The following ZNF135 variants were observed in gnomAD, a reference collection of about 807,000 sequenced individuals.
The protein encoded by ZNF135 is zinc finger protein 135.
Under a neutral mutation model 12.3 loss-of-function variants are expected in ZNF135, and 11 were observed. That is an observed-to-expected ratio of 0.89 (90% CI 0.56 to 1.48). ZNF135 has a LOEUF of 1.48. ZNF135 is among the 40% of genes most tolerant of loss of function. ZNF135 has a pLI of 0.00. For synonymous variants in ZNF135, 316 were observed against 312.0 expected (o/e 1.01, Z -0.14); for missense variants, 722 against 815.7 (o/e 0.89, Z 1.40).
rs756537553 is a variant in ZNF135, at chr19:58,061,750, C to T, written c.160+44C>T. 91 of 1,559,676 alleles carry T rather than the reference C, an allele frequency of 5.8e-5. No individual in the cohort carries two copies. The Middle Eastern group carries it at 6.8e-4, about 12-fold the overall frequency. On this transcript the variant is annotated intron_variant, in intron 3 of 4. Transcript: ENST00000313434. ...CCTATCTGTTGATCTGTCCCTGACA[C>T]GGATTCTGATTCTACCAGGTTAAAT...
chr19:58,061,574 T>A lies in ZNF135; in HGVS notation c.34-6T>A. The A allele has an allele frequency of 1.9e-6, 3 of 1,611,412 alleles. No homozygotes were observed. The highest frequency in any genetic ancestry group is 2.5e-6 in the Non-Finnish European group (3 of 1,178,848). On this transcript the variant is annotated splice_region_variant and splice_polypyrimidine_tract_variant and intron_variant, in intron 2 of 4. Coordinates refer to ENST00000313434, the MANE Select transcript of ZNF135 (RefSeq NM_001289401.2). ...CTTGGCTGAGGACACTCGTGTGATG[T>A]TTCAGGAGCAAGTGACGTTTGAGGA... is the stretch of plus-strand genomic sequence containing the variant.
chr19:58,066,404 C>T (rs1315743907), intron 4 of ZNF135, among the ~76,000 whole-genome samples: 4 of 150,680 alleles, frequency 2.7e-5, no homozygotes, highest in African/African-American at 7.3e-5. Flanking sequence ...TGTCTGAGTG[C>T]TCTCTCCTGG....
At chr19:58,061,522 C>T in intron 2 of ZNF135, 58 bp from the exon 3 acceptor site, 2 of 1,570,730 alleles carry the variant, frequency 1.3e-6, no homozygotes, top group Non-Finnish European at 1.7e-6. Flanking sequence ...TACCAGCTAC[C>T]CCACCAGCAG....
chr19:58,060,421 C>A lies in ZNF135; in HGVS notation c.33+386C>A. On this transcript the variant is annotated intron_variant, in intron 2 of 4. Coordinates refer to ENST00000313434, the MANE Select transcript of ZNF135 (RefSeq NM_001289401.2). The surrounding 1 kb of genome is among the most constrained non-coding windows in gnomAD (Gnocchi z 4.9). Reference sequence around the variant, plus strand: ...GAGGTCAGCGGGCACGGGTCCCTGTCTGAGTGGGCTTTATGTTTGTGCGGC... The same window carrying A: ...GAGGTCAGCGGGCACGGGTCCCTGTATGAGTGGGCTTTATGTTTGTGCGGC... 1 of 1,164,362 alleles carries A rather than the reference C, an allele frequency of 8.6e-7. No homozygotes were observed. The highest frequency in any genetic ancestry group is 1.1e-6 in the Non-Finnish European group (1 of 935,992). The allele number at this position is 1,164,362 out of a possible 1,614,324, so 72.1% of individuals were successfully genotyped here.
At position 58,063,370 on chromosome 19, in the gene ZNF135, C is replaced by A; in HGVS notation, c.161-76C>A. On this transcript the variant is annotated intron_variant, in intron 3 of 4. Coordinates refer to ENST00000313434, the MANE Select transcript of ZNF135 (RefSeq NM_001289401.2). The surrounding 1 kb of genome is among the most constrained non-coding windows in gnomAD (Gnocchi z 4.4). ...CCCAGCCATCTGGGACCTGGAAGACCAAAGGTGGAATGGGCTGAGGCTCAG... is the reference window on the plus strand; with the variant it reads ...CCCAGCCATCTGGGACCTGGAAGACAAAAGGTGGAATGGGCTGAGGCTCAG... The A allele has an allele frequency of 6.3e-7, 1 of 1,592,186 alleles. No homozygotes were observed. Among genetic ancestry groups the A allele is most frequent in the Non-Finnish European group, 8.6e-7 (1 of 1,167,980 alleles).
intron 2 of ZNF135, among the ~76,000 whole-genome samples, chr19:58,061,093 A>T (rs1025816055): frequency 1.3e-5 from 2 of 150,836 alleles, no homozygotes; most frequent in Non-Finnish European, 2.9e-5. Flanking sequence ...ATGCCACTGC[A>T]CTCTAGCCTG....
At position 58,063,308 on chromosome 19, in the gene ZNF135, G is replaced by A; in HGVS notation, c.161-138G>A. 7.1e-7 allele frequency: 1 copy of A among 1,403,874 alleles called. No homozygotes were observed. Among genetic ancestry groups the A allele is most frequent in the Non-Finnish European group, 9.6e-7 (1 of 1,042,996 alleles). 87.0% of individuals were successfully genotyped at this position (1,403,874 alleles called of 1,614,324 possible). A position where few individuals can be genotyped will look rare whatever the true frequency, so the allele number is the denominator to read the frequency against. On this transcript the variant is annotated intron_variant, in intron 3 of 4. Coordinates refer to ENST00000313434, the MANE Select transcript of ZNF135 (RefSeq NM_001289401.2). The surrounding 1 kb of genome is among the most constrained non-coding windows in gnomAD (Gnocchi z 4.4). ...GGAATGAGTCCCTGAGGAACATCCA[G>A]GGCTGTGGGTATGACAGCTGAAGTC...
Position 58,067,976 on chromosome 19 carries a change from G to T in ZNF135, c.1492G>T (p.Asp498Tyr). 6.2e-7 allele frequency: 1 copy of T among 1,613,782 alleles called. No homozygotes were observed. Among genetic ancestry groups the T allele is most frequent in the African/African-American group, 1.3e-5 (1 of 74,900 alleles). The change falls in exon 5 of 5, where the codon GAC (aspartate) becomes TAC (tyrosine). Residue 498 changes from aspartate (D) to tyrosine (Y), a missense_variant. Coordinates refer to ENST00000313434, the MANE Select transcript of ZNF135 (RefSeq NM_001289401.2). ...AGGGGAGAAGCCCTATGAATGCAAT[G>T]ACTGCGGCAAGGCATTCAGTCACAG... ...HTGEKPYECN[D>Y]CGKAFSHSSS...
At position 58,067,761 on chromosome 19, in the gene ZNF135, C is replaced by A; in HGVS notation, c.1277C>A (p.Thr426Asn). ...GCCTTCAGTCAGAGCACACTCCTGA[C>A]CGAGCATCGGAGGATTCACACAGGA... ...GKAFSQSTLL[T>N]EHRRIHTGEK... Residue 426 changes from threonine to asparagine, a missense_variant, in exon 5 of 5, where the codon ACC (threonine) becomes AAC (asparagine). By Grantham distance (65) the Thr-to-Asn change is moderately conservative. Coordinates refer to ENST00000313434, the MANE Select transcript of ZNF135 (RefSeq NM_001289401.2). The A allele has an allele frequency of 6.2e-7, 1 of 1,613,788 alleles. No individual in the cohort carries two copies. Among genetic ancestry groups the A allele is most frequent in the South Asian group, 1.1e-5 (1 of 91,052 alleles).
Position 58,063,470 on chromosome 19 carries a change from T to G in ZNF135, c.185T>G (p.Val62Gly). ...SVGHWLPKPN[V>G]ISLLEQEAEL... ...GGACATTGGTTACCGAAGCCGAATG[T>G]CATCTCCCTGCTGGAGCAAGAGGCA... Residue 62 changes from valine (V) to glycine (G), a missense_variant, in exon 4 of 5, where the codon GTC becomes GGC. By Grantham distance (109) the Val-to-Gly change is moderately radical. Coordinates refer to ENST00000313434, the MANE Select transcript of ZNF135 (RefSeq NM_001289401.2). This position sits in a 1 kb window ranked among gnomAD's most constrained non-coding sequence, Gnocchi z 4.4. 1 of 1,614,108 alleles carries G rather than the reference T, an allele frequency of 6.2e-7. No homozygotes were observed. The highest frequency in any genetic ancestry group is 1.7e-4 in the Middle Eastern group (1 of 6,060).
Position 58,068,474 on chromosome 19 carries a change from T to G in ZNF135, c.*13T>G, listed in dbSNP as rs768852784. The G allele has an allele frequency of 1.2e-5, 20 of 1,610,910 alleles. No homozygotes were observed. Among genetic ancestry groups the G allele is most frequent in the Non-Finnish European group, 1.6e-5 (19 of 1,178,116 alleles). ...TCACACTGGATAAACCCACTCCACA[T>G]GTGCTGGGGACATAGGAAGACCTTA... On this transcript the variant is annotated 3_prime_UTR_variant, in exon 5 of 5. Coordinates refer to ENST00000313434, the MANE Select transcript of ZNF135 (RefSeq NM_001289401.2).
rs1332262913 is a variant in ZNF135 at position 58,059,980 on chromosome 19, C to T, written c.-23C>T. 1.2e-6 allele frequency: 2 copies of T among 1,613,258 alleles called. No individual in the cohort carries two copies. The highest frequency in any genetic ancestry group is 1.7e-5 in the Admixed American group (1 of 60,024). On this transcript the variant is annotated 5_prime_UTR_variant, in exon 2 of 5. Transcript: ENST00000313434. This position sits in a 1 kb window ranked among gnomAD's most constrained non-coding sequence, Gnocchi z 6.5. ...CCCCTTTCCCACAGAGCAGGGCCAG[C>T]CGTTCCTGCCAGAAGCCAGGGCATG...
Position 58,062,920 on chromosome 19 carries a change from G to A in ZNF135, c.161-526G>A, listed in dbSNP as rs113562481. On this transcript the variant is annotated intron_variant, in intron 3 of 4. Transcript: ENST00000313434. Reference sequence around the variant, plus strand: ...TGCCCAGGCTGCCCTCAAGCTTCTAGGCTAAAGTGATCCTCCCACCTCAGC... The same window carrying A: ...TGCCCAGGCTGCCCTCAAGCTTCTAAGCTAAAGTGATCCTCCCACCTCAGC... 4.2e-3 allele frequency among the ~76,000 whole-genome samples: 633 copies of A among 150,756 alleles called. 5 individuals carry two copies. Among genetic ancestry groups the A allele is most frequent in the African/African-American group, 0.015 (615 of 40,892 alleles).
Position 58,060,092 on chromosome 19 carries a change from C to G in ZNF135, c.33+57C>G. 1 of 1,608,856 alleles carries G rather than the reference C, an allele frequency of 6.2e-7. No individual in the cohort carries two copies. Among genetic ancestry groups the G allele is most frequent in the Non-Finnish European group, 8.5e-7 (1 of 1,179,390 alleles). On this transcript the variant is annotated intron_variant, in intron 2 of 4. Coordinates refer to ENST00000313434, the MANE Select transcript of ZNF135 (RefSeq NM_001289401.2). This position sits in a 1 kb window ranked among gnomAD's most constrained non-coding sequence, Gnocchi z 4.9. ...CCACCTCGTGCCCGGCCTCCTCGCG[C>G]GCGGCCTTCTCACGCCCGGCCTCCT...
rs576543644 is a variant in ZNF135 at position 58,066,128 on chromosome 19, CA to C, written c.257-612del. Among the ~76,000 whole-genome samples the C allele has an allele frequency of 1.1e-3, 166 of 152,318 alleles. 1 individual carries two copies. Among genetic ancestry groups the C allele is most frequent in the Non-Finnish European group, 2.2e-3 (152 of 68,024 alleles). On this transcript the variant is annotated intron_variant, in intron 4 of 4. Coordinates refer to ENST00000313434, the MANE Select transcript of ZNF135 (RefSeq NM_001289401.2). ...AGTTAGTGAAATGGACAAAATAAGG[CA>C]GACCAAAGCACTCTAATATGCCACG... is the stretch of plus-strand genomic sequence containing the variant.
chr19:58,068,291 GA>G lies in ZNF135; in HGVS notation c.1811del (p.Lys604SerfsTer65). ...CCAGCACGAAAGGACGCACACTGGG[GA>G]AAAGCCCTATGAGTGTCACGATTGC... ...LSQHERTHTG[E>X]KPYECHDCGK... is the part of the protein sequence containing the mutation. On this transcript the variant is annotated frameshift_variant, in exon 5 of 5. Transcript: ENST00000313434. LOFTEE classifies it low-confidence loss of function (END_TRUNC). 1 of 1,613,994 alleles carries G rather than the reference GA, an allele frequency of 6.2e-7. No homozygotes were observed. Among genetic ancestry groups the G allele is most frequent in the Non-Finnish European group, 8.5e-7 (1 of 1,179,984 alleles).
Position 58,059,894 on chromosome 19 carries a change from T to C in ZNF135, c.-34-75T>C, listed in dbSNP as rs2073938383. 1 of 1,565,118 alleles carries C rather than the reference T, an allele frequency of 6.4e-7. No individual in the cohort carries two copies. Among genetic ancestry groups the C allele is most frequent in the South Asian group, 1.1e-5 (1 of 88,002 alleles). Reference sequence around the variant, plus strand: ...GCTCTCCGCGGAGCTCCCCAGGCTCTGGCGCAGTTCCCCGGCTTGGGGACC... The same window carrying C: ...GCTCTCCGCGGAGCTCCCCAGGCTCCGGCGCAGTTCCCCGGCTTGGGGACC... On this transcript the variant is annotated intron_variant, in intron 1 of 4. Coordinates refer to ENST00000313434, the MANE Select transcript of ZNF135 (RefSeq NM_001289401.2). This position sits in a 1 kb window ranked among gnomAD's most constrained non-coding sequence, Gnocchi z 6.5.
chr19:58,063,523 C>G lies in ZNF135; in HGVS notation c.238C>G (p.Pro80Ala). The change falls in exon 4 of 5, where the codon CCC (proline) becomes GCC (alanine). Residue 80 changes from proline (P) to alanine (A), a missense_variant. Pro to Ala is a conservative substitution (Grantham distance 27). Transcript: ENST00000313434. The surrounding 1 kb of genome is among the most constrained non-coding windows in gnomAD (Gnocchi z 4.4). Reference protein sequence around the residue: ...AELWAVESRLPQGVYPDLETR... With the variant: ...AELWAVESRLAQGVYPDLETR... The stretch of plus-strand genomic sequence containing the variant: ...GCTGTGGGCGGTGGAGTCTAGACTT[C>G]CCCAAGGCGTGTACCCAGGTGAGAT... 6.2e-7 allele frequency: 1 copy of G among 1,614,126 alleles called. No homozygotes were observed. The highest frequency in any genetic ancestry group is 8.5e-7 in the Non-Finnish European group (1 of 1,179,992).
rs143363607 is a variant in ZNF135 at position 58,067,661 on chromosome 19, C to G, written c.1177C>G (p.Gln393Glu). 3 of 1,613,320 alleles carry G rather than the reference C, an allele frequency of 1.9e-6. No individual in the cohort carries two copies. Among genetic ancestry groups the G allele is most frequent in the African/African-American group, 1.3e-5 (1 of 74,660 alleles). Residue 393 changes from glutamine (Q) to glutamate (E), a missense_variant, in exon 5 of 5, where the codon CAG becomes GAG. Transcript: ENST00000313434. ...CCATGAGTGTGGAAAAGCCTTCACC[C>G]AGATCACACCACTGATTCAGCACCA... is the stretch of plus-strand genomic sequence containing the variant. ...ECHECGKAFT[Q>E]ITPLIQHQRT... is the part of the protein sequence containing the mutation.
Sources: allele counts gnomAD v4.1 joint callset (sites outside exome capture counted in the v4.1 genomes callset), GRCh38; gene constraint gnomAD v4.1.1; non-coding constraint Gnocchi (gnomAD v3.1); transcripts MANE v1.5; gene names NCBI Gene and HGNC (gene_info 2026-07-23, HGNC 2026-07-21).